The following TRAF3 variants were observed in gnomAD, a reference collection of about 807,000 sequenced individuals.
TRAF3 encodes TNF receptor associated factor 3, also known as TNF receptor-associated factor 3.
TRAF3 carries 13 observed loss-of-function variants against 62.3 expected under a neutral mutation model. The observed-to-expected ratio is 0.21, with a 90% CI of 0.14 to 0.33. The LOEUF is 0.33. TRAF3 is among the 10% of genes least tolerant of loss of function. TRAF3 has a pLI of 1.00. For synonymous variants in TRAF3, 269 were observed against 283.4 expected (o/e 0.95, Z 0.51); for missense variants, 440 against 741.8 (o/e 0.59, Z 4.73).
chr14:102,812,672 C>A lies in TRAF3; in HGVS notation c.-156-17662C>A, dbSNP rs183461160. 5.1e-3 allele frequency among the ~76,000 whole-genome samples: 778 copies of A among 152,266 alleles called. 10 individuals are homozygous for A. In the Middle Eastern group the frequency reaches 0.065, roughly 13 times the overall value. ...TGGTGGCTCACGCCTGTAATCCCAG[C>A]ACTTTGGGAGGCCGAGGGGGGCGGA... On this transcript the variant is annotated intron_variant, in intron 1 of 11. Coordinates refer to ENST00000392745, the MANE Select transcript of TRAF3 (RefSeq NM_145725.3).
chr14:102,877,769 G>A (rs983180442), intron 6 of TRAF3, among the ~76,000 whole-genome samples: 15 of 149,536 alleles, frequency 1.0e-4, no homozygotes, highest in Middle Eastern at 3.7e-3. Flanking sequence ...CAGGCCTTCC[G>A]CTCAGCTCAT....
intron 2 of TRAF3, among the ~76,000 whole-genome samples, chr14:102,834,793 A>T (rs1885889590): frequency 6.6e-6 from 1 of 152,082 alleles, no homozygotes; most frequent in Admixed American, 6.5e-5. Flanking sequence ...AACTATAAAA[A>T]CCCTGCAAGA....
chr14:102,801,886 G>A (rs1468544270), intron 1 of TRAF3, among the ~76,000 whole-genome samples: 1 of 151,010 alleles, frequency 6.6e-6, no homozygotes, highest in Non-Finnish European at 1.5e-5. Flanking sequence ...CGTGGTGGCG[G>A]GCGCCTGTAG....
intron 2 of TRAF3, among the ~76,000 whole-genome samples, chr14:102,866,851 ACAC>A (rs1337363450): frequency 0.04 from 598 of 14,932 alleles, 6 homozygotes; most frequent in African/African-American, 0.071. Flanking sequence ...TCTCTTGAAA[ACAC>A]ACACACACAC....
intron 1 of TRAF3, among the ~76,000 whole-genome samples, chr14:102,784,317 G>T (rs1450449484): frequency 6.7e-6 from 1 of 150,328 alleles, no homozygotes; most frequent in Non-Finnish European, 1.5e-5. Context: ...CCGCCCCCTG[G>T]GTTCAAGCTA....
intron 2 of TRAF3, among the ~76,000 whole-genome samples, chr14:102,837,027 T>C (rs1886052215): frequency 6.6e-6 from 1 of 152,142 alleles, no homozygotes; most frequent in East Asian, 1.9e-4. Flanking sequence ...CTCCTCCTCA[T>C]CCAGATGCAT....
At chr14:102,798,497 A>T (rs1275673587) in intron 1 of TRAF3, among the ~76,000 whole-genome samples, 2 of 152,112 alleles carry the variant, frequency 1.3e-5, no homozygotes, top group African/African-American at 4.8e-5. Flanking sequence ...AAAACTAGCC[A>T]GGTGTGGTGG....
Position 102,907,849 on chromosome 14 carries a change from T to A in TRAF3, c.*2065T>A, listed in dbSNP as rs564138469. On this transcript the variant is annotated 3_prime_UTR_variant, in exon 12 of 12. Coordinates refer to ENST00000392745, the MANE Select transcript of TRAF3 (RefSeq NM_145725.3). ...TTTCCCCGCTCTCCTGGGATTACTTTGGGGGAATGAGTATCCTTGGTTCTG... is the reference window on the plus strand; with the variant it reads ...TTTCCCCGCTCTCCTGGGATTACTTAGGGGGAATGAGTATCCTTGGTTCTG... 1 of 152,354 alleles carries A rather than the reference T, an allele frequency of 6.6e-6. No homozygotes were observed. The highest frequency in any genetic ancestry group is 1.5e-5 in the Non-Finnish European group (1 of 68,112). 9.4% of individuals were successfully genotyped at this position (152,354 alleles called of 1,614,324 possible). A position where few individuals can be genotyped will look rare whatever the true frequency, so the allele number is the denominator to read the frequency against.
chr14:102,825,554 G>T (rs1900254233), intron 1 of TRAF3, among the ~76,000 whole-genome samples: 1 of 152,236 alleles, frequency 6.6e-6, no homozygotes, highest in African/African-American at 2.4e-5. Flanking sequence ...AAGAGTGTTG[G>T]TGTGGGACCT....
chr14:102,861,743 TA>T (rs1887690028), intron 2 of TRAF3, among the ~76,000 whole-genome samples: 1 of 152,138 alleles, frequency 6.6e-6, no homozygotes, highest in African/African-American at 2.4e-5. Flanking sequence ...TAGAAGTAAA[TA>T]AAAAAGTGGC....
rs989126826 is a variant in TRAF3, at chr14:102,908,144, C to T, written c.*2360C>T. 1 of 152,316 alleles carries T rather than the reference C, an allele frequency of 6.6e-6. No homozygotes were observed. Among genetic ancestry groups the T allele is most frequent in the Non-Finnish European group, 1.5e-5 (1 of 68,086 alleles). 9.4% of individuals were successfully genotyped at this position (152,316 alleles called of 1,614,324 possible). On this transcript the variant is annotated 3_prime_UTR_variant, in exon 12 of 12. Coordinates refer to ENST00000392745, the MANE Select transcript of TRAF3 (RefSeq NM_145725.3). ...TGGGTTGAAGTCCTGGTGTGGCCCCCAGAAGCAGCAGTGCGTGTCACTGGG... is the reference window on the plus strand; with the variant it reads ...TGGGTTGAAGTCCTGGTGTGGCCCCTAGAAGCAGCAGTGCGTGTCACTGGG...
Position 102,911,404 on chromosome 14 carries a change from G to A in TRAF3, c.*5620G>A, listed in dbSNP as rs552244135. 10 of 152,326 alleles carry A rather than the reference G, an allele frequency of 6.6e-5. No homozygotes were observed. The highest frequency in any genetic ancestry group is 2.4e-4 in the African/African-American group (10 of 41,572). 9.4% of individuals were successfully genotyped at this position (152,326 alleles called of 1,614,324 possible). ...GGTCTTGCAATGTTTTTGTGTTTCT[G>A]ATGCTAATAACTAAAGTTTGTAAGA... On this transcript the variant is annotated 3_prime_UTR_variant, in exon 12 of 12. Transcript: ENST00000392745.
Position 102,864,172 on chromosome 14 carries a change from G to A in TRAF3, c.-17-6013G>A, listed in dbSNP as rs867735165. ...CTTTTTTTTTTTTTTTTTTGGAGAC[G>A]GATTCTTGCGCTCTCACCCGGGCTG... is the stretch of plus-strand genomic sequence containing the variant. On this transcript the variant is annotated intron_variant, in intron 2 of 11. Transcript: ENST00000392745. 2.3e-4 allele frequency among the ~76,000 whole-genome samples: 33 copies of A among 141,842 alleles called. No homozygotes were observed. In the Middle Eastern group the frequency reaches 0.011, roughly 48 times the overall value. 93.1% of individuals were successfully genotyped at this position (141,842 alleles called of 152,430 possible). A position where few individuals can be genotyped will look rare whatever the true frequency, so the allele number is the denominator to read the frequency against.
intron 2 of TRAF3, among the ~76,000 whole-genome samples, chr14:102,862,362 C>G (rs1353475748): frequency 6.8e-6 from 1 of 147,758 alleles, no homozygotes; most frequent in Non-Finnish European, 1.5e-5. Context: ...TTGCACCACA[C>G]TGCACTCCAG....
rs1000372578 is a variant in TRAF3, at chr14:102,903,447, G to A, written c.1135+18G>A. The A allele has an allele frequency of 1.2e-6, 2 of 1,612,994 alleles. No homozygotes were observed. The highest frequency in any genetic ancestry group is 1.7e-6 in the Non-Finnish European group (2 of 1,179,760). ...GAACACAGGTGAGGCAGGGGCCGGG[G>A]CCGGGCCAGCAGTGTGCATCTGGGC... On this transcript the variant is annotated intron_variant, in intron 11 of 11. Coordinates refer to ENST00000392745, the MANE Select transcript of TRAF3 (RefSeq NM_145725.3). This position sits in a 1 kb window ranked among gnomAD's most constrained non-coding sequence, Gnocchi z 6.4.
intron 1 of TRAF3, among the ~76,000 whole-genome samples, chr14:102,808,384 A>G (rs1452690412): frequency 6.6e-6 from 1 of 152,078 alleles, no homozygotes; most frequent in Non-Finnish European, 1.5e-5. Flanking sequence ...GTGGTGGCAC[A>G]TGCCTGTAAT....
At chr14:102,900,180 GAA>G (rs56203426) in intron 10 of TRAF3, among the ~76,000 whole-genome samples, 1 of 91,444 alleles carries the variant, frequency 1.1e-5, no homozygotes, top group Non-Finnish European at 2.1e-5. Flanking sequence ...CTCCGTCTCG[GAA>G]AAAAAAAAAA....
At chr14:102,833,328 G>T (rs1885766796) in intron 2 of TRAF3, among the ~76,000 whole-genome samples, 2 of 152,198 alleles carry the variant, frequency 1.3e-5, no homozygotes, top group African/African-American at 2.4e-5. Flanking sequence ...ATTCAACCAA[G>T]AAATCTTTTT....
At chr14:102,888,304 A>G (rs1889516641) in intron 7 of TRAF3, among the ~76,000 whole-genome samples, 1 of 152,158 alleles carries the variant, frequency 6.6e-6, no homozygotes, top group African/African-American at 2.4e-5. Flanking sequence ...GGTTCTGAGG[A>G]GCAGCAAGGG....
Sources: allele counts gnomAD v4.1 joint callset (sites outside exome capture counted in the v4.1 genomes callset), GRCh38; gene constraint gnomAD v4.1.1; non-coding constraint Gnocchi (gnomAD v3.1); transcripts MANE v1.5; gene names NCBI Gene and HGNC (gene_info 2026-07-23, HGNC 2026-07-21).